APELA: variants seen among roughly 807,000 people sequenced by gnomAD.
The protein encoded by APELA is apelin receptor early endogenous ligand, also known as protein Elabela.
rs1730979432 is a variant in APELA at position 164,896,514 on chromosome 4, A to T, written c.*1100A>T. The T allele has an allele frequency of 6.6e-6, 1 of 152,068 alleles. No homozygotes were observed. Among genetic ancestry groups the T allele is most frequent in the Non-Finnish European group, 1.5e-5 (1 of 68,034 alleles). The allele number at this position is 152,068 out of a possible 1,614,324, so 9.4% of individuals were successfully genotyped here. Reference sequence around the variant, plus strand: ...CCACTCAGGGTGATATCTGTATCTAAAAGATGAGTGCTCATCATCCTATTA... The same window carrying T: ...CCACTCAGGGTGATATCTGTATCTATAAGATGAGTGCTCATCATCCTATTA... On this transcript the variant is annotated 3_prime_UTR_variant, in exon 3 of 3. Coordinates refer to ENST00000507152, the MANE Select transcript of APELA (RefSeq NM_001297550.2).
At chr4:164,882,727 C>A (rs1340127551) in intron 2 of APELA, among the ~76,000 whole-genome samples, 3 of 152,070 alleles carry the variant, frequency 2.0e-5, no homozygotes, top group Non-Finnish European at 4.4e-5. Flanking sequence ...GGTATATCTC[C>A]TAACGCTATC....
intron 1 of APELA, among the ~76,000 whole-genome samples, chr4:164,878,196 A>AAAGAAAGAAGAAAGAAAGAAAG (rs1553970695): frequency 7.0e-6 from 1 of 143,382 alleles, no homozygotes; most frequent in African/African-American, 2.6e-5. Context: ...AGAAACAGAA[A>AAAGAAAGAAGAAAGAAAGAAAG]AAAGAAAGAA....
chr4:164,896,211 A>C lies in APELA; in HGVS notation c.*797A>C, dbSNP rs887744220. On this transcript the variant is annotated 3_prime_UTR_variant, in exon 3 of 3. Transcript: ENST00000507152. ...CGAGTTCAAGTGATTCTCGTGCCTC[A>C]ACCTCCCAATTATAGGCTGGGATTA... is the stretch of plus-strand genomic sequence containing the variant. The C allele has an allele frequency of 6.6e-6, 1 of 152,126 alleles. No individual in the cohort carries two copies. Among genetic ancestry groups the C allele is most frequent in the African/African-American group, 2.4e-5 (1 of 41,416 alleles). 9.4% of individuals were successfully genotyped at this position (152,126 alleles called of 1,614,324 possible). A position where few individuals can be genotyped will look rare whatever the true frequency, so the allele number is the denominator to read the frequency against.
chr4:164,893,504 T>C (rs962594690), intron 2 of APELA, among the ~76,000 whole-genome samples: 2 of 152,202 alleles, frequency 1.3e-5, no homozygotes, highest in Non-Finnish European at 2.9e-5. Flanking sequence ...TAAGTATATA[T>C]ATCTTCATAA....
At chr4:164,885,042 T>C (rs1730741209) in intron 2 of APELA, among the ~76,000 whole-genome samples, 2 of 152,130 alleles carry the variant, frequency 1.3e-5, no homozygotes. Flanking sequence ...CTCTGCATGC[T>C]GTAAATTCCC....
chr4:164,887,354 T>C (rs1010679618), intron 2 of APELA, among the ~76,000 whole-genome samples: 13 of 152,084 alleles, frequency 8.5e-5, no homozygotes, highest in Non-Finnish European at 1.6e-4. Flanking sequence ...TGGGTCCCCT[T>C]CTCTCCCTAA....
At chr4:164,888,689 C>T (rs545480568) in intron 2 of APELA, among the ~76,000 whole-genome samples, 1 of 152,320 alleles carries the variant, frequency 6.6e-6, no homozygotes, top group East Asian at 1.9e-4. Context: ...TACCTTGCAG[C>T]AACCTTCACA....
chr4:164,894,414 T>A (rs1475025402), intron 2 of APELA, among the ~76,000 whole-genome samples: 1 of 129,346 alleles, frequency 7.7e-6, no homozygotes, highest in East Asian at 2.0e-4. Flanking sequence ...TTCTTCTTTA[T>A]TTTTTTATTT....
intron 2 of APELA, among the ~76,000 whole-genome samples, chr4:164,885,831 ACAC>A (rs1730760191): frequency 6.6e-6 from 1 of 152,148 alleles, no homozygotes; most frequent in Admixed American, 6.5e-5. Context: ...CTAGACACAC[ACAC>A]ATTTTCAGAT....
intron 2 of APELA, among the ~76,000 whole-genome samples, chr4:164,884,573 G>T (rs1374739581): frequency 6.6e-6 from 1 of 152,136 alleles, no homozygotes; most frequent in African/African-American, 2.4e-5. Flanking sequence ...CTGTCCCAGA[G>T]GAGATAAGAG....
At chr4:164,884,320 T>C (rs955675004) in intron 2 of APELA, among the ~76,000 whole-genome samples, 1 of 152,130 alleles carries the variant, frequency 6.6e-6, no homozygotes, top group African/African-American at 2.4e-5. Flanking sequence ...AAGCCACACT[T>C]TTTGAAAAGG....
intron 2 of APELA, among the ~76,000 whole-genome samples, chr4:164,893,133 C>A (rs1448014323): frequency 6.6e-6 from 1 of 152,068 alleles, no homozygotes; most frequent in African/African-American, 2.4e-5. Flanking sequence ...TATTTCCTTG[C>A]TTCTGCCTGA....
chr4:164,891,355 A>G (rs535205551), intron 2 of APELA, among the ~76,000 whole-genome samples: 33 of 152,276 alleles, frequency 2.2e-4, no homozygotes, highest in African/African-American at 5.8e-4. Flanking sequence ...GCCATTTGGT[A>G]TTTGGATAGG....
At chr4:164,887,616 A>ATT (rs59819450) in intron 2 of APELA, among the ~76,000 whole-genome samples, 8,854 of 148,056 alleles carry the variant, frequency 0.06, 797 homozygotes, top group African/African-American at 0.2. Context: ...ATCTTACTAA[A>ATT]TTTTTTTTTT....
chr4:164,888,455 G>A (rs1730819899), intron 2 of APELA, among the ~76,000 whole-genome samples: 1 of 152,214 alleles, frequency 6.6e-6, no homozygotes, highest in Non-Finnish European at 1.5e-5. Flanking sequence ...TCTTCAGTTA[G>A]TCCTAAGCTA....
intron 2 of APELA, among the ~76,000 whole-genome samples, chr4:164,884,246 A>C (rs1353801343): frequency 2.0e-5 from 3 of 152,094 alleles, no homozygotes; most frequent in African/African-American, 7.2e-5. Flanking sequence ...GAAAGAAAGA[A>C]GAGTTCCACC....
At chr4:164,893,801 T>A (rs1417032139) in intron 2 of APELA, among the ~76,000 whole-genome samples, 1 of 152,170 alleles carries the variant, frequency 6.6e-6, no homozygotes, top group Non-Finnish European at 1.5e-5. Flanking sequence ...GAATGGATTA[T>A]TTAGTAAGTT....
chr4:164,894,245 A>G (rs910689663), intron 2 of APELA, among the ~76,000 whole-genome samples: 3 of 152,150 alleles, frequency 2.0e-5, no homozygotes, highest in Non-Finnish European at 4.4e-5. Context: ...GAATCATTTG[A>G]ACCCAGGAAG....
chr4:164,885,089 T>C (rs779857387), intron 2 of APELA, among the ~76,000 whole-genome samples: 6 of 151,774 alleles, frequency 4.0e-5, no homozygotes, highest in Non-Finnish European at 7.4e-5. Flanking sequence ...TCTTTGTATT[T>C]TCAGCCAAAA....
Sources: allele counts gnomAD v4.1 joint callset (sites outside exome capture counted in the v4.1 genomes callset), GRCh38; gene constraint gnomAD v4.1.1; transcripts MANE v1.5; gene names NCBI Gene and HGNC (gene_info 2026-07-23, HGNC 2026-07-21).